GRM1: variants seen among roughly 807,000 people sequenced by gnomAD.
The protein encoded by GRM1 is metabotropic glutamate receptor 1.
In GRM1, 33 loss-of-function variants were observed where a neutral mutation model predicts 90.9. The ratio of observed to expected loss-of-function variants is 0.36; its 90% CI spans 0.28 to 0.49. The LOEUF (loss-of-function observed/expected upper bound fraction) is 0.49, where lower values mean the gene tolerates loss of function less well. Ranked by LOEUF, GRM1 falls within the 20% of genes least tolerant of loss-of-function variation. The pLI is 0.99. For missense variants in GRM1, 1,190 were observed against 1,534.3 expected (o/e 0.78, Z 3.75); for synonymous variants, 700 against 613.2 (o/e 1.14, Z -2.09).
intron 2 of GRM1, among the ~76,000 whole-genome samples, chr6:146,179,692 T>A (rs1778472149): frequency 6.6e-6 from 1 of 152,182 alleles, no homozygotes; most frequent in African/African-American, 2.4e-5. Context: ...TTATTTTTTG[T>A]ATTTTTAGTA....
At chr6:146,171,341 T>A (rs1407256116) in intron 2 of GRM1, 1 of 152,594 alleles carries the variant, frequency 6.6e-6, no homozygotes, top group Non-Finnish European at 1.5e-5. Context: ...CCACTCTGCA[T>A]CCTACAGCGT....
At position 146,399,081 on chromosome 6, in the gene GRM1, G is replaced by A. The variant is rs1777066778; in HGVS notation, c.2042G>A (p.Arg681His). The A allele has an allele frequency of 3.7e-6, 6 of 1,613,908 alleles. No homozygotes were observed. Among genetic ancestry groups the A allele is most frequent in the African/African-American group, 1.3e-5 (1 of 74,854 alleles). Residue 681 changes from arginine (R) to histidine (H), a missense_variant, in exon 7 of 8, where the codon CGT becomes CAT. Around this residue, in one of 10 missense-constraint regions of GRM1, gnomAD observed 414 missense variants for 598.4 expected, o/e 0.69. Coordinates refer to ENST00000282753, the MANE Select transcript of GRM1 (RefSeq NM_001278064.2). This position sits in a 1 kb window ranked among gnomAD's most constrained non-coding sequence, Gnocchi z 5.4. ...CYSALVTKTN[R>H]IARILAGSKK... ...TCTGCTTTAGTGACTAAAACCAATCGTATTGCACGCATCCTGGCTGGCAGC... is the reference window on the plus strand; with the variant it reads ...TCTGCTTTAGTGACTAAAACCAATCATATTGCACGCATCCTGGCTGGCAGC...
chr6:146,061,563 A>G (rs558905691), intron 1 of GRM1, among the ~76,000 whole-genome samples: 4 of 152,296 alleles, frequency 2.6e-5, no homozygotes, highest in South Asian at 4.1e-4. Context: ...CTTGCAATCT[A>G]TATATCTGAG....
chr6:146,173,109 G>C lies in GRM1; in HGVS notation c.950+13512G>C, dbSNP rs1778198791. ...TTTGACTGGAAAACTCTTGATTTTG[G>C]CCTGATGCAGCAACTCACGCCTGTA... On this transcript the variant is annotated intron_variant, in intron 2 of 7. Coordinates refer to ENST00000282753, the MANE Select transcript of GRM1 (RefSeq NM_001278064.2). Among the ~76,000 whole-genome samples, 8 of 152,040 alleles carry C rather than the reference G, an allele frequency of 5.3e-5. 1 individual carries two copies. Among genetic ancestry groups the C allele is most frequent in the Admixed American group, 3.9e-4 (6 of 15,266 alleles).
chr6:146,149,397 G>A (rs955282654), intron 1 of GRM1, among the ~76,000 whole-genome samples: 3 of 152,086 alleles, frequency 2.0e-5, no homozygotes, highest in African/African-American at 4.8e-5. Context: ...AAAGCTACTG[G>A]GTCAGTGCTA....
chr6:146,409,590 C>A (rs968241916), intron 7 of GRM1, among the ~76,000 whole-genome samples: 3 of 150,812 alleles, frequency 2.0e-5, no homozygotes, highest in Non-Finnish European at 4.4e-5. Context: ...TTTGCTTTGT[C>A]TTATAAAGAA....
chr6:146,198,763 G>A (rs567548340), intron 2 of GRM1, among the ~76,000 whole-genome samples: 2 of 152,146 alleles, frequency 1.3e-5, no homozygotes, highest in South Asian at 2.1e-4. Context: ...CTTGTCCCCA[G>A]TGTACCATTA....
intron 6 of GRM1, among the ~76,000 whole-genome samples, chr6:146,392,503 T>G (rs539243007): frequency 6.6e-6 from 1 of 152,218 alleles, no homozygotes; most frequent in Non-Finnish European, 1.5e-5. Context: ...AGTATTGTTA[T>G]TGGAAAAGTT....
chr6:146,387,888 G>A (rs940044182), intron 6 of GRM1, among the ~76,000 whole-genome samples: 3 of 152,090 alleles, frequency 2.0e-5, no homozygotes, highest in African/African-American at 7.2e-5. Context: ...TATGCTTCTT[G>A]TAGTGGTATA....
chr6:146,074,922 C>T (rs369720066), intron 1 of GRM1, among the ~76,000 whole-genome samples: 1 of 152,268 alleles, frequency 6.6e-6, no homozygotes, highest in African/African-American at 2.4e-5. Context: ...TAGTGAAATA[C>T]CGTTATGCTG....
At chr6:146,191,987 T>A (rs1487747173) in intron 2 of GRM1, among the ~76,000 whole-genome samples, 1 of 152,218 alleles carries the variant, frequency 6.6e-6, no homozygotes, top group East Asian at 1.9e-4. Context: ...GATAAACATA[T>A]TGATCTATTG....
chr6:146,137,648 T>C (rs1219855159), intron 1 of GRM1, among the ~76,000 whole-genome samples: 2 of 152,188 alleles, frequency 1.3e-5, no homozygotes, highest in Admixed American at 1.3e-4. Flanking sequence ...CTGGGTCTTA[T>C]CTGGTTCCAT....
chr6:146,341,539 G>A (rs1784980901), intron 3 of GRM1, among the ~76,000 whole-genome samples: 2 of 152,124 alleles, frequency 1.3e-5, no homozygotes, highest in Admixed American at 6.5e-5. Flanking sequence ...AAACCATCAG[G>A]GAGAATCTTG....
intron 2 of GRM1, among the ~76,000 whole-genome samples, chr6:146,223,896 A>G (rs1322037195): frequency 6.6e-6 from 1 of 152,146 alleles, no homozygotes; most frequent in Non-Finnish European, 1.5e-5. Context: ...TTAAATATGA[A>G]TATCATAATT....
At chr6:146,078,470 G>T (rs1776260828) in intron 1 of GRM1, among the ~76,000 whole-genome samples, 1 of 152,194 alleles carries the variant, frequency 6.6e-6, no homozygotes, top group Non-Finnish European at 1.5e-5. Flanking sequence ...ATTTGGATAT[G>T]TGGGGTCCAC....
chr6:146,248,630 G>A (rs192974088), intron 2 of GRM1, among the ~76,000 whole-genome samples: 1 of 152,186 alleles, frequency 6.6e-6, no homozygotes, highest in African/African-American at 2.4e-5. Context: ...GTCTCAGGTA[G>A]TAGCCTTATA....
intron 1 of GRM1, among the ~76,000 whole-genome samples, chr6:146,118,387 C>A (rs1002385892): frequency 1.3e-5 from 2 of 152,150 alleles, no homozygotes; most frequent in African/African-American, 4.8e-5. Flanking sequence ...GATCCACCCG[C>A]CTCGGCCTCC....
At chr6:146,228,509 T>A (rs1780330440) in intron 2 of GRM1, among the ~76,000 whole-genome samples, 1 of 152,186 alleles carries the variant, frequency 6.6e-6, no homozygotes, top group Non-Finnish European at 1.5e-5. Context: ...CTAATGCTGT[T>A]ACAGTGGCAA....
chr6:146,064,724 G>A (rs1356500193), intron 1 of GRM1, among the ~76,000 whole-genome samples: 2 of 148,876 alleles, frequency 1.3e-5, no homozygotes, highest in Non-Finnish European at 1.5e-5. Flanking sequence ...CCGAGAGGTG[G>A]AGCTTGCAGT....
Sources: gnomAD v4.1 joint callset for allele counts (sites outside exome capture counted in the v4.1 genomes callset) on GRCh38, gnomAD v4.1.1 for gene constraint, gnomAD v4.1.1 regional missense constraint, Gnocchi (gnomAD v3.1) non-coding constraint, MANE v1.5 for transcripts, NCBI Gene and HGNC (gene_info 2026-07-23, HGNC 2026-07-21) for gene names.